UBE2H: variants seen among roughly 807,000 people sequenced by gnomAD.
UBE2H encodes the protein ubiquitin conjugating enzyme E2 H.
A neutral mutation model predicts 29.0 loss-of-function variants in UBE2H; 3 were observed. That is an observed-to-expected ratio of 0.10 (90% confidence interval 0.05 to 0.27). The LOEUF (loss-of-function observed/expected upper bound fraction) is 0.27. Ranked by LOEUF, UBE2H falls within the 10% of genes least tolerant of loss-of-function variation. The pLI, the probability that UBE2H is intolerant of heterozygous loss-of-function variation, is 1.00. For synonymous variants in UBE2H, 69 were observed against 82.9 expected, an observed-to-expected ratio of 0.83 and a Z score of 0.91; for missense variants, 68 against 228.2, an observed-to-expected ratio of 0.30 and a Z score of 4.52.
intron 1 of UBE2H, among the ~76,000 whole-genome samples, chr7:129,918,314 A>C (rs898636068): frequency 6.6e-6 from 1 of 152,180 alleles, no homozygotes; most frequent in African/African-American, 2.4e-5. Flanking sequence ...GTAAGAGATA[A>C]AGACTGAAAG....
chr7:129,952,321 G>T (rs1362076250), intron 1 of UBE2H, among the ~76,000 whole-genome samples, 182 bp downstream of exon 1: 2 of 152,118 alleles, frequency 1.3e-5, no homozygotes, highest in Non-Finnish European at 2.9e-5. Flanking sequence ...GAGAAAAGGC[G>T]AGCTGAAAAG....
At chr7:129,856,232 C>T (rs1480297244) in intron 5 of UBE2H, among the ~76,000 whole-genome samples, 7 of 152,176 alleles carry the variant, frequency 4.6e-5, no homozygotes, top group Admixed American at 3.9e-4. Context: ...GAAGTCTTAC[C>T]TACCTCAGAC....
chr7:129,886,767 TAAAAAA>T (rs79067201), intron 1 of UBE2H, among the ~76,000 whole-genome samples: 2 of 72,060 alleles, frequency 2.8e-5, no homozygotes, highest in South Asian at 5.3e-4. Context: ...TGTTTTTTGG[TAAAAAA>T]AAAAAAAAAA....
chr7:129,941,272 C>G (rs185696454), intron 1 of UBE2H, among the ~76,000 whole-genome samples: 1 of 151,538 alleles, frequency 6.6e-6, no homozygotes, highest in Non-Finnish European at 1.5e-5. Flanking sequence ...GTCTCGAACT[C>G]CTGAGTTCAA....
intron 1 of UBE2H, among the ~76,000 whole-genome samples, chr7:129,925,347 G>GAA (rs569415946): frequency 7.0e-6 from 1 of 143,726 alleles, no homozygotes. Flanking sequence ...ACTCAGTCTC[G>GAA]AAAAAAAAAA....
chr7:129,915,395 G>A (rs1158681018), intron 1 of UBE2H, among the ~76,000 whole-genome samples: 1 of 152,104 alleles, frequency 6.6e-6, no homozygotes, highest in African/African-American at 2.4e-5. Flanking sequence ...TTAGCCGGGT[G>A]TGGTGGCGGG....
intron 1 of UBE2H, among the ~76,000 whole-genome samples, chr7:129,900,882 C>T (rs1806699605): frequency 1.3e-5 from 2 of 151,858 alleles, no homozygotes; most frequent in Admixed American, 6.6e-5. Context: ...TCCTGAGTAG[C>T]TGGGACTACA....
chr7:129,859,894 TCA>T (rs1805768773), intron 3 of UBE2H, among the ~76,000 whole-genome samples: 1 of 151,932 alleles, frequency 6.6e-6, no homozygotes, highest in Non-Finnish European at 1.5e-5. Flanking sequence ...TCTCTCTCTC[TCA>T]TATTCATTCA....
intron 3 of UBE2H, among the ~76,000 whole-genome samples, chr7:129,866,957 T>A (rs1308321402): frequency 1.3e-5 from 2 of 152,242 alleles, no homozygotes; most frequent in African/African-American, 4.8e-5. Flanking sequence ...GCAGTAATGT[T>A]AGAATTAGCT....
At chr7:129,952,058 T>C (rs1032122437) in intron 1 of UBE2H, among the ~76,000 whole-genome samples, 10 of 151,992 alleles carry the variant, frequency 6.6e-5, no homozygotes, top group African/African-American at 1.2e-4. Flanking sequence ...AGCATTGTGG[T>C]TGGAGGAAAT....
intron 5 of UBE2H, among the ~76,000 whole-genome samples, chr7:129,841,733 C>T (rs1286237187): frequency 6.6e-6 from 1 of 152,140 alleles, no homozygotes; most frequent in Non-Finnish European, 1.5e-5. Flanking sequence ...GAGTCTATTT[C>T]ACCTTCATAA....
At chr7:129,931,000 C>T (rs573577394) in intron 1 of UBE2H, among the ~76,000 whole-genome samples, 27 of 151,114 alleles carry the variant, frequency 1.8e-4, no homozygotes, top group African/African-American at 6.1e-4. Flanking sequence ...AGGTGGATCA[C>T]CTGAGGTCAG....
intron 5 of UBE2H, among the ~76,000 whole-genome samples, chr7:129,850,319 C>T (rs1196028428): frequency 2.0e-5 from 3 of 152,008 alleles, no homozygotes; most frequent in Non-Finnish European, 4.4e-5. Context: ...GTGAGCCACG[C>T]TGCACTCCAG....
At chr7:129,851,255 G>C (rs1805604219) in intron 5 of UBE2H, among the ~76,000 whole-genome samples, 1 of 152,128 alleles carries the variant, frequency 6.6e-6, no homozygotes, top group African/African-American at 2.4e-5. Context: ...TCGTCTATTT[G>C]GGTGTTTTTT....
intron 1 of UBE2H, among the ~76,000 whole-genome samples, chr7:129,941,651 G>A (rs961520813): frequency 2.0e-5 from 3 of 151,956 alleles, no homozygotes; most frequent in Admixed American, 2.0e-4. Context: ...GTGGCATAAT[G>A]ATGGCTTGCT....
intron 1 of UBE2H, among the ~76,000 whole-genome samples, chr7:129,940,726 C>A (rs903577754): frequency 1.2e-4 from 19 of 152,168 alleles, no homozygotes; most frequent in African/African-American, 4.6e-4. Flanking sequence ...GCAGATACCC[C>A]CTTGAGCACC....
intron 3 of UBE2H, among the ~76,000 whole-genome samples, chr7:129,872,980 T>C (rs1178881510): frequency 6.6e-6 from 1 of 150,764 alleles, no homozygotes; most frequent in African/African-American, 2.4e-5. Flanking sequence ...ACCATCCTGA[T>C]AGTTTGACCC....
intron 3 of UBE2H, among the ~76,000 whole-genome samples, chr7:129,875,457 A>C (rs1806127861): frequency 6.6e-6 from 1 of 152,194 alleles, no homozygotes; most frequent in Non-Finnish European, 1.5e-5. Flanking sequence ...TATTCTTTTG[A>C]CAGTGCACAT....
chr7:129,879,479 T>G, intron 3 of UBE2H, 89 bp downstream of exon 3: 1 of 1,238,876 alleles, frequency 8.1e-7, no homozygotes, highest in Non-Finnish European at 1.2e-6. Flanking sequence ...GACAGCCATT[T>G]CTGGCATTAA....
Sources: gnomAD v4.1 joint callset for allele counts (sites outside exome capture counted in the v4.1 genomes callset) on GRCh38, gnomAD v4.1.1 for gene constraint, MANE v1.5 for transcripts, NCBI Gene and HGNC (gene_info 2026-07-23, HGNC 2026-07-21) for gene names.